ABCC4: variants seen among roughly 807,000 people sequenced by gnomAD.
ABCC4 encodes ATP binding cassette subfamily C member 4 (PEL blood group).
A neutral mutation model predicts 168.5 loss-of-function variants in ABCC4; 102 were observed. That is an observed-to-expected ratio of 0.61 (90% CI 0.52 to 0.71). The LOEUF (loss-of-function observed/expected upper bound fraction) is 0.71, where lower values mean the gene tolerates loss of function less well. Ranked by LOEUF, ABCC4 falls within the 30% of genes least tolerant of loss-of-function variation. ABCC4 has a pLI of 0.00. For missense variants in ABCC4, 1,402 were observed against 1,605.8 expected, an observed-to-expected ratio of 0.87 and a Z score of 2.17; for synonymous variants, 617 against 590.7, an observed-to-expected ratio of 1.04 and a Z score of -0.65.
At chr13:95,256,118 T>C (rs1443020520) in intron 1 of ABCC4, among the ~76,000 whole-genome samples, 3 of 152,184 alleles carry the variant, frequency 2.0e-5, no homozygotes, top group Non-Finnish European at 4.4e-5. Context: ...AGAGACAGGT[T>C]CTCACTTTGT....
At chr13:95,073,442 C>T in intron 23 of ABCC4, 138 bp from the exon 24 acceptor site, 2 of 503,202 alleles carry the variant, frequency 4.0e-6, no homozygotes, top group African/African-American at 3.9e-5. Context: ...ATACTTTTAC[C>T]ATTTGTTGCT....
intron 4 of ABCC4, among the ~76,000 whole-genome samples, chr13:95,223,921 T>C (rs1180499459): frequency 6.6e-6 from 1 of 151,670 alleles, no homozygotes; most frequent in Non-Finnish European, 1.5e-5. Context: ...ACAGAGAAGA[T>C]TGAATAAAAG....
intron 10 of ABCC4, 136 bp from the exon 11 acceptor site, chr13:95,187,028 T>C (rs1221027884): frequency 9.9e-6 from 7 of 705,936 alleles, no homozygotes; most frequent in Non-Finnish European, 1.5e-5. Context: ...GAAGTTGTGA[T>C]TAAAAATTGG....
At chr13:95,172,698 AG>A (rs1159770876) in intron 13 of ABCC4, among the ~76,000 whole-genome samples, 1 of 152,150 alleles carries the variant, frequency 6.6e-6, no homozygotes, top group Admixed American at 6.6e-5. Flanking sequence ...TGGGAGGTTA[AG>A]GCAGGAGGAT....
At chr13:95,067,663 C>T (rs1331635160) in intron 25 of ABCC4, among the ~76,000 whole-genome samples, 1 of 151,952 alleles carries the variant, frequency 6.6e-6, no homozygotes, top group Non-Finnish European at 1.5e-5. Flanking sequence ...GCAAGTGGGA[C>T]AATCTGGCTG....
chr13:95,239,320 A>G (rs1464049198), intron 3 of ABCC4, among the ~76,000 whole-genome samples: 1 of 152,190 alleles, frequency 6.6e-6, no homozygotes. Context: ...AGAGATACAG[A>G]TGTAAGAGTA....
chr13:95,166,695 T>C lies in ABCC4; in HGVS notation c.1825-328A>G, dbSNP rs549772691. Among the ~76,000 whole-genome samples, 10 of 152,328 alleles carry C rather than the reference T, an allele frequency of 6.6e-5. 1 individual carries two copies. The highest frequency in any genetic ancestry group is 2.4e-4 in the African/African-American group (10 of 41,572). On this transcript the variant is annotated intron_variant, in intron 14 of 30. Coordinates refer to ENST00000645237, the MANE Select transcript of ABCC4 (RefSeq NM_005845.5). Reference sequence around the variant, plus strand: ...GTGATAAACCTTATGCAATAAGAATTGAAGGAATGAGTAAATTGAGGAGGA... The same window carrying C: ...GTGATAAACCTTATGCAATAAGAATCGAAGGAATGAGTAAATTGAGGAGGA...
chr13:95,088,862 GATTA>G (rs2034341268), intron 20 of ABCC4, among the ~76,000 whole-genome samples: 1 of 151,540 alleles, frequency 6.6e-6, no homozygotes, highest in Non-Finnish European at 1.5e-5. Flanking sequence ...AGGAGAAAAT[GATTA>G]AATAGAAAAC....
intron 19 of ABCC4, among the ~76,000 whole-genome samples, chr13:95,159,884 C>A (rs1352751920): frequency 6.6e-6 from 1 of 152,198 alleles, no homozygotes; most frequent in South Asian, 2.1e-4. Flanking sequence ...GTAATTTCCA[C>A]CCCACAGTGA....
chr13:95,191,937 G>C (rs897832808), intron 9 of ABCC4, among the ~76,000 whole-genome samples: 11 of 152,242 alleles, frequency 7.2e-5, no homozygotes, highest in Admixed American at 2.0e-4. Flanking sequence ...CAGCCAGAAG[G>C]GGGCAGCACT....
chr13:95,074,441 C>A, intron 22 of ABCC4, 117 bp from the exon 23 acceptor site: 1 of 707,774 alleles, frequency 1.4e-6, no homozygotes, highest in Non-Finnish European at 2.4e-6. Flanking sequence ...GTTGCACACC[C>A]AAGGAACCTT....
chr13:95,070,997 A>T (rs1430897505), intron 25 of ABCC4, among the ~76,000 whole-genome samples: 1 of 152,088 alleles, frequency 6.6e-6, no homozygotes, highest in East Asian at 1.9e-4. Flanking sequence ...TCATGGGGGC[A>T]GGTCTTTCCT....
At chr13:95,113,984 T>G (rs1037464508) in intron 20 of ABCC4, among the ~76,000 whole-genome samples, 1 of 152,200 alleles carries the variant, frequency 6.6e-6, no homozygotes, top group Non-Finnish European at 1.5e-5. Context: ...TAAAGACACC[T>G]GCAAACAAAA....
intron 17 of ABCC4, among the ~76,000 whole-genome samples, 162 bp downstream of exon 17, chr13:95,163,448 C>T (rs1217075482): frequency 6.6e-6 from 1 of 152,090 alleles, no homozygotes; most frequent in East Asian, 1.9e-4. Context: ...TGGAGACCAC[C>T]GCAGTTTACA....
chr13:95,092,072 TTATC>T (rs1265103553), intron 20 of ABCC4, among the ~76,000 whole-genome samples: 1 of 152,140 alleles, frequency 6.6e-6, no homozygotes, highest in African/African-American at 2.4e-5. Flanking sequence ...AAGAGGGACA[TTATC>T]TAACAGTAAA....
At chr13:95,178,893 C>T (rs1344534914) in intron 11 of ABCC4, among the ~76,000 whole-genome samples, 1 of 152,040 alleles carries the variant, frequency 6.6e-6, no homozygotes, top group African/African-American at 2.4e-5. Flanking sequence ...AAGGTAGCAC[C>T]TATAGGATCT....
chr13:95,301,136 G>T, intron 1 of ABCC4, 105 bp downstream of exon 1: 2 of 1,100,212 alleles, frequency 1.8e-6, no homozygotes, highest in Non-Finnish European at 2.5e-6. Context: ...CGCTCCCCTC[G>T]CCCCCAGCCG....
chr13:95,203,336 C>CT (rs35053264), intron 8 of ABCC4, among the ~76,000 whole-genome samples: 28,300 of 126,532 alleles, frequency 0.22, 3,143 homozygotes, highest in Admixed American at 0.28. Flanking sequence ...TCAGGAGGCT[C>CT]TTTTTTTTTT....
At chr13:95,040,972 A>C (rs574215293) in intron 29 of ABCC4, among the ~76,000 whole-genome samples, 1 of 152,182 alleles carries the variant, frequency 6.6e-6, no homozygotes, top group Non-Finnish European at 1.5e-5. Flanking sequence ...TACCAGGGAG[A>C]ATCCAGAGCG....
Sources: gnomAD v4.1 joint callset for allele counts (sites outside exome capture counted in the v4.1 genomes callset) on GRCh38, gnomAD v4.1.1 for gene constraint, MANE v1.5 for transcripts, NCBI Gene and HGNC (gene_info 2026-07-23, HGNC 2026-07-21) for gene names.